HEG1: variants seen among roughly 807,000 people sequenced by gnomAD.
HEG1 encodes protein HEG homolog 1.
A neutral mutation model predicts 125.6 loss-of-function variants in HEG1; 56 were observed. The ratio of observed to expected loss-of-function variants is 0.45; its 90% CI spans 0.36 to 0.56. The LOEUF (loss-of-function observed/expected upper bound fraction) is 0.56, where lower values mean the gene tolerates loss of function less well. Ranked by LOEUF, HEG1 falls within the 20% of genes least tolerant of loss-of-function variation. The pLI is 0.00. For synonymous variants in HEG1, 644 were observed against 668.5 expected (o/e 0.96, Z 0.57); for missense variants, 1,523 against 1,670.0 (o/e 0.91, Z 1.53).
At chr3:124,979,717 A>G (rs1303200765) in intron 14 of HEG1, among the ~76,000 whole-genome samples, 1 of 152,162 alleles carries the variant, frequency 6.6e-6, no homozygotes, top group African/African-American at 2.4e-5. Context: ...GCAGATCACG[A>G]GGTCAGGAGA....
At chr3:125,039,673 T>A (rs886296414) in intron 1 of HEG1, among the ~76,000 whole-genome samples, 4 of 152,254 alleles carry the variant, frequency 2.6e-5, no homozygotes, top group African/African-American at 9.6e-5. Flanking sequence ...GGTATTATTA[T>A]CCTCATATAG....
intron 7 of HEG1, 21 bp downstream of exon 7, chr3:125,010,418 G>A: frequency 6.8e-7 from 1 of 1,477,110 alleles, no homozygotes; most frequent in Non-Finnish European, 9.3e-7. Flanking sequence ...GCAGACCACT[G>A]GGCGTTACTT....
At position 125,055,647 on chromosome 3, in the gene HEG1, A is replaced by T; in HGVS notation, c.244T>A (p.Tyr82Asn). Reference protein sequence around the residue: ...RRGPATPGPSYRAPEPGAATQ... With the variant: ...RRGPATPGPSNRAPEPGAATQ... ...GCGGCGCCTGGCTCAGGGGCCCTGT[A>T]GCTGGGGCCGGGGGTCGCGGGCCCG... Residue 82 changes from tyrosine to asparagine, a missense_variant, in exon 1 of 17, where the codon TAC (tyrosine) becomes AAC (asparagine). Transcript: ENST00000311127. 8.4e-7 allele frequency: 1 copy of T among 1,189,434 alleles called. No homozygotes were observed. The highest frequency in any genetic ancestry group is 1.0e-6 in the Non-Finnish European group (1 of 960,670). The allele number at this position is 1,189,434 out of a possible 1,614,324, so 73.7% of individuals were successfully genotyped here.
chr3:125,048,900 G>A (rs888624004), intron 1 of HEG1, among the ~76,000 whole-genome samples: 1 of 152,188 alleles, frequency 6.6e-6, no homozygotes, highest in African/African-American at 2.4e-5. Context: ...GAAAGGAGAG[G>A]AATGGAGGGT....
At chr3:125,046,941 G>A (rs1305292785) in intron 1 of HEG1, among the ~76,000 whole-genome samples, 1 of 152,180 alleles carries the variant, frequency 6.6e-6, no homozygotes, top group Non-Finnish European at 1.5e-5. Flanking sequence ...GGTCACACCT[G>A]GCATACTGCT....
Position 125,000,919 on chromosome 3 carries a change from G to A in HEG1, c.3517+933C>T, listed in dbSNP as rs549728104. Among the ~76,000 whole-genome samples, 5 of 152,342 alleles carry A rather than the reference G, an allele frequency of 3.3e-5. No homozygotes were observed. The East Asian group carries it at 5.8e-4, about 18-fold the overall frequency. ...TGAGCTAACTTTGATCATGTAGCAC[G>A]TGGCAACAGGGACAAGCCCCCTTTG... is the stretch of plus-strand genomic sequence containing the variant. On this transcript the variant is annotated intron_variant, in intron 11 of 16. Coordinates refer to ENST00000311127, the MANE Select transcript of HEG1 (RefSeq NM_020733.2).
At chr3:125,008,168 C>T (rs965197278) in intron 8 of HEG1, among the ~76,000 whole-genome samples, 14 of 152,126 alleles carry the variant, frequency 9.2e-5, no homozygotes, top group Non-Finnish European at 1.0e-4. Flanking sequence ...CCTCAGCCTG[C>T]CAAAGTGTTG....
Position 125,022,706 on chromosome 3 carries a change from AATAAAAAG to A in HEG1, c.914-1584_914-1577del, listed in dbSNP as rs1416189793. 1.7e-4 allele frequency among the ~76,000 whole-genome samples: 21 copies of A among 122,694 alleles called. No individual in the cohort carries two copies. In the South Asian group the frequency reaches 2.4e-3, roughly 14 times the overall value. The allele number at this position is 122,694 out of a possible 152,430, so 80.5% of individuals were successfully genotyped here. A position where few individuals can be genotyped will look rare whatever the true frequency, so the allele number is the denominator to read the frequency against. The stretch of plus-strand genomic sequence containing the variant: ...TATTAAAAAAAAAAAGAAATAAATA[AATAAAAAG>A]AAAAGAAAGCATTATAGATATGCCC... On this transcript the variant is annotated intron_variant, in intron 3 of 16. Transcript: ENST00000311127.
chr3:125,041,544 G>A (rs533079368), intron 1 of HEG1, among the ~76,000 whole-genome samples: 45 of 152,286 alleles, frequency 3.0e-4, no homozygotes, highest in South Asian at 6.2e-4. Flanking sequence ...ACAGTATGGC[G>A]GTTCCTCAAA....
At chr3:124,978,050 T>C (rs1936577703) in intron 14 of HEG1, 104 bp from the exon 15 acceptor site, 1 of 783,290 alleles carries the variant, frequency 1.3e-6, no homozygotes, top group Non-Finnish European at 2.1e-6. Flanking sequence ...CACCCTGCCT[T>C]GAGGGGTGCC....
At chr3:124,972,817 C>A (rs1406824803) in intron 16 of HEG1, among the ~76,000 whole-genome samples, 2 of 152,162 alleles carry the variant, frequency 1.3e-5, no homozygotes, top group African/African-American at 4.8e-5. Flanking sequence ...GGGAGAAAGG[C>A]AGCAAGGGTT....
chr3:124,988,562 T>C (rs1054198608), intron 14 of HEG1, among the ~76,000 whole-genome samples: 1 of 152,154 alleles, frequency 6.6e-6, no homozygotes, highest in African/African-American at 2.4e-5. Flanking sequence ...CAGTGTCCTC[T>C]GGGACTTCTA....
chr3:125,002,080 T>A (rs1286139112), intron 10 of HEG1, 68 bp from the exon 11 acceptor site: 1 of 1,584,656 alleles, frequency 6.3e-7, no homozygotes, highest in African/African-American at 1.3e-5. Flanking sequence ...CTTTTGGAAA[T>A]GAATGTCATC....
chr3:125,015,046 T>C, intron 5 of HEG1: 1 of 1,210,886 alleles, frequency 8.3e-7, no homozygotes, highest in Non-Finnish European at 1.1e-6. Flanking sequence ...GGCTGAAAAA[T>C]GCAGGGCTGG....
chr3:125,047,237 C>T (rs191060852), intron 1 of HEG1, among the ~76,000 whole-genome samples: 138 of 152,300 alleles, frequency 9.1e-4, no homozygotes, highest in Non-Finnish European at 1.5e-3. Flanking sequence ...AGGCAAGGTG[C>T]GATGGGAGGG....
At chr3:125,022,207 A>C (rs1485842759) in intron 3 of HEG1, among the ~76,000 whole-genome samples, 3 of 152,178 alleles carry the variant, frequency 2.0e-5, no homozygotes, top group Non-Finnish European at 4.4e-5. Flanking sequence ...ACAAAAAGAG[A>C]GTGTTTTTCT....
At position 125,010,506 on chromosome 3, in the gene HEG1, T is replaced by C; in HGVS notation, c.3006A>G (p.Ala1002=). ...AGTGGTAGCCACGGCTGGTGTTGTC[T>C]GCGACGCATTCGCCATTGTGAAGAC... The part of the protein sequence containing the change: ...NPCLHNGECV[A]DNTSRGYHCR... Residue 1002 remains alanine (A), a synonymous_variant, in exon 7 of 17, where the codon GCA becomes GCG. Transcript: ENST00000311127. 2 of 1,560,448 alleles carry C rather than the reference T, an allele frequency of 1.3e-6. No individual in the cohort carries two copies. The highest frequency in any genetic ancestry group is 1.7e-6 in the Non-Finnish European group (2 of 1,151,634).
At chr3:124,978,349 G>A (rs886819235) in intron 14 of HEG1, among the ~76,000 whole-genome samples, 16 of 152,018 alleles carry the variant, frequency 1.1e-4, no homozygotes, top group African/African-American at 1.9e-4. Flanking sequence ...GGGTTTCACC[G>A]TGTTAGCCAG....
intron 14 of HEG1, among the ~76,000 whole-genome samples, chr3:124,988,510 C>T (rs1406555038): frequency 6.6e-6 from 1 of 152,126 alleles, no homozygotes; most frequent in Non-Finnish European, 1.5e-5. Flanking sequence ...GACTGGGGTC[C>T]ATTGGAGTGA....
Sources: gnomAD v4.1 joint callset for allele counts (sites outside exome capture counted in the v4.1 genomes callset) on GRCh38, gnomAD v4.1.1 for gene constraint, MANE v1.5 for transcripts, NCBI Gene and HGNC (gene_info 2026-07-23, HGNC 2026-07-21) for gene names.